The following GALNT13 variants were observed in gnomAD, a reference collection of about 807,000 sequenced individuals.
GALNT13 encodes the protein polypeptide N-acetylgalactosaminyltransferase 13.
Under a neutral mutation model 64.2 loss-of-function variants are expected in GALNT13, and 28 were observed. That is an observed-to-expected ratio of 0.44 (90% CI 0.32 to 0.60). GALNT13 has a LOEUF of 0.60. GALNT13 is among the 20% of genes least tolerant of loss of function. The probability of loss-of-function intolerance (pLI) is 0.05; values close to 1 mark genes in which losing one functional copy is unlikely to be tolerated. For synonymous variants in GALNT13, 214 were observed against 224.6 expected, an observed-to-expected ratio of 0.95 and a Z score of 0.42; for missense variants, 577 against 669.8, an observed-to-expected ratio of 0.86 and a Z score of 1.53.
At chr2:153,628,604 C>G in the GALNT13 span, among the ~76,000 whole-genome samples, 4 of 152,092 alleles carry the variant, frequency 2.6e-5, no homozygotes, top group African/African-American at 9.7e-5. Context: ...TTGAGATAAT[C>G]ACGTGGTTTT....
chr2:153,713,123 T>C, the GALNT13 span, among the ~76,000 whole-genome samples: 1 of 152,214 alleles, frequency 6.6e-6, no homozygotes, highest in Non-Finnish European at 1.5e-5. Context: ...GAATTTAAAT[T>C]GTAGAGAAGT....
the GALNT13 span, among the ~76,000 whole-genome samples, chr2:153,294,372 T>A: frequency 6.6e-6 from 1 of 152,182 alleles, no homozygotes; most frequent in Non-Finnish European, 1.5e-5. Flanking sequence ...TCTTTTCAGT[T>A]ATAATGGATT....
intron 11 of GALNT13, among the ~76,000 whole-genome samples, chr2:154,429,585 G>A (rs1700621193): frequency 6.6e-6 from 1 of 152,176 alleles, no homozygotes; most frequent in South Asian, 2.1e-4. Flanking sequence ...AGTAGCAAGT[G>A]CTGAGGGAGA....
intron 3 of GALNT13, among the ~76,000 whole-genome samples, chr2:154,017,564 CATATT>C (rs1697094802): frequency 6.6e-6 from 1 of 152,102 alleles, no homozygotes; most frequent in Admixed American, 6.5e-5. Context: ...GAGAAATTTA[CATATT>C]TTCCCAAGAA....
chr2:153,124,331 A>G, the GALNT13 span, among the ~76,000 whole-genome samples: 1 of 152,254 alleles, frequency 6.6e-6, no homozygotes, highest in Non-Finnish European at 1.5e-5. Flanking sequence ...AGAAACTGTG[A>G]TATAATAAAT....
chr2:154,207,706 T>C (rs1687540599), intron 4 of GALNT13, among the ~76,000 whole-genome samples: 1 of 152,018 alleles, frequency 6.6e-6, no homozygotes, highest in Non-Finnish European at 1.5e-5. Flanking sequence ...AAGAACTGAG[T>C]TGAATTAAGA....
the GALNT13 span, among the ~76,000 whole-genome samples, chr2:153,583,964 GA>G: frequency 6.6e-6 from 1 of 152,178 alleles, no homozygotes; most frequent in African/African-American, 2.4e-5. Flanking sequence ...TTTAGACGGG[GA>G]GAAGCTCCTA....
intron 3 of GALNT13, among the ~76,000 whole-genome samples, chr2:154,122,115 T>G (rs1681981751): frequency 6.6e-6 from 1 of 152,064 alleles, no homozygotes; most frequent in African/African-American, 2.4e-5. Context: ...ATATGTGAAT[T>G]TTTTTGGCCT....
At chr2:154,090,506 T>C (rs914857490) in intron 3 of GALNT13, among the ~76,000 whole-genome samples, 2 of 152,102 alleles carry the variant, frequency 1.3e-5, no homozygotes, top group Non-Finnish European at 2.9e-5. Flanking sequence ...ATTTACCCAT[T>C]CCATTCTTTG....
At chr2:153,805,461 T>C in the GALNT13 span, among the ~76,000 whole-genome samples, 1 of 152,172 alleles carries the variant, frequency 6.6e-6, no homozygotes, top group African/African-American at 2.4e-5. Flanking sequence ...CTCAGTAAAT[T>C]GTTTCCTTTT....
At chr2:153,222,091 C>T in the GALNT13 span, among the ~76,000 whole-genome samples, 2 of 151,858 alleles carry the variant, frequency 1.3e-5, no homozygotes, top group East Asian at 2.0e-4. Flanking sequence ...GTTCTTGTCC[C>T]ACACCCAGGA....
the GALNT13 span, among the ~76,000 whole-genome samples, chr2:153,100,821 G>A: frequency 6.6e-6 from 1 of 152,144 alleles, no homozygotes; most frequent in African/African-American, 2.4e-5. Context: ...TTGAGGCCAG[G>A]AGTTTGAGAC....
the GALNT13 span, among the ~76,000 whole-genome samples, chr2:153,783,875 T>C: frequency 6.6e-6 from 1 of 152,314 alleles, no homozygotes; most frequent in South Asian, 2.1e-4. Context: ...CATGCTGAAC[T>C]GTGAGTCAAT....
the GALNT13 span, among the ~76,000 whole-genome samples, chr2:153,088,995 C>T: frequency 6.6e-6 from 1 of 152,026 alleles, no homozygotes; most frequent in Non-Finnish European, 1.5e-5. Context: ...ATGTGAGGTA[C>T]TATTCTATTT....
chr2:153,429,588 A>G, the GALNT13 span, among the ~76,000 whole-genome samples: 2 of 152,184 alleles, frequency 1.3e-5, no homozygotes, highest in Admixed American at 1.3e-4. Context: ...GTTATTCACA[A>G]TCTCAAACAT....
chr2:153,522,995 A>G, the GALNT13 span, among the ~76,000 whole-genome samples: 1 of 142,500 alleles, frequency 7.0e-6, no homozygotes, highest in Admixed American at 6.9e-5. Flanking sequence ...TAGGTCTATG[A>G]TCCATTTTGA....
chr2:153,867,205 C>G (rs1007977047), upstream of GALNT13, among the ~76,000 whole-genome samples: 2 of 152,136 alleles, frequency 1.3e-5, no homozygotes, highest in African/African-American at 4.8e-5. Context: ...TCCTTGCTTT[C>G]CCACCCACAA....
At chr2:154,020,185 C>T (rs1168333654) in intron 3 of GALNT13, among the ~76,000 whole-genome samples, 1 of 152,146 alleles carries the variant, frequency 6.6e-6, no homozygotes, top group African/African-American at 2.4e-5. Flanking sequence ...TTTATAGCAG[C>T]ATGATTTATA....
chr2:154,064,930 G>A (rs537529496), intron 3 of GALNT13, among the ~76,000 whole-genome samples: 1 of 152,224 alleles, frequency 6.6e-6, no homozygotes, highest in East Asian at 1.9e-4. Flanking sequence ...TCAGGATCTT[G>A]TAGTCCTCAA....
Sources: allele counts gnomAD v4.1 joint callset (sites outside exome capture counted in the v4.1 genomes callset), GRCh38; gene constraint gnomAD v4.1.1; transcripts MANE v1.5; gene names NCBI Gene and HGNC (gene_info 2026-07-23, HGNC 2026-07-21).